ENTPD1: variants seen among roughly 807,000 people sequenced by gnomAD.
The protein encoded by ENTPD1 is ectonucleoside triphosphate diphosphohydrolase 1.
Under a neutral mutation model 57.0 loss-of-function variants are expected in ENTPD1, and 33 were observed. That is an observed-to-expected ratio of 0.58 (90% CI 0.44 to 0.77). The LOEUF (loss-of-function observed/expected upper bound fraction) is 0.77, where lower values mean the gene tolerates loss of function less well. Ranked by LOEUF, ENTPD1 falls within the 30% of genes least tolerant of loss-of-function variation. The pLI, the probability that ENTPD1 is intolerant of heterozygous loss-of-function variation, is 0.00. For synonymous variants in ENTPD1, 202 were observed against 218.8 expected, an observed-to-expected ratio of 0.92 and a Z score of 0.68; for missense variants, 501 against 603.4, an observed-to-expected ratio of 0.83 and a Z score of 1.78.
At chr10:95,705,794 C>T in the ENTPD1 span, among the ~76,000 whole-genome samples, 6 of 152,158 alleles carry the variant, frequency 3.9e-5, no homozygotes, top group African/African-American at 1.4e-4. Flanking sequence ...GCCAGGCCAA[C>T]TTAGACAATC....
chr10:95,756,914 A>T (rs1367559697), intron 1 of ENTPD1, among the ~76,000 whole-genome samples: 1 of 152,196 alleles, frequency 6.6e-6, no homozygotes, highest in Non-Finnish European at 1.5e-5. Flanking sequence ...ATCTGACTAC[A>T]TTTAGATTTT....
In ENTPD1 at chr10:95,873,402, T is replaced by G; in HGVS notation, c.*7019T>G. 1.0e-6 allele frequency: 1 copy of G among 985,650 alleles called. No homozygotes were observed. The highest frequency in any genetic ancestry group is 5.2e-4 in the Middle Eastern group (1 of 1,916). The allele number at this position is 985,650 out of a possible 1,614,324, so 61.1% of individuals were successfully genotyped here. On this transcript the variant is annotated 3_prime_UTR_variant, in exon 10 of 10. Coordinates refer to ENST00000371205, the MANE Select transcript of ENTPD1 (RefSeq NM_001776.6). Reference sequence around the variant, plus strand: ...CTCTGCCTTGCCTTGCCCTCTGCCTTTGGAGACCAGCACCTCATACTCAGT... The same window carrying G: ...CTCTGCCTTGCCTTGCCCTCTGCCTGTGGAGACCAGCACCTCATACTCAGT...
rs2098477632 is a variant in ENTPD1, at chr10:95,869,221, A to AAGATCAGC, written c.*2842_*2849dup. On this transcript the variant is annotated 3_prime_UTR_variant, in exon 10 of 10. Transcript: ENST00000371205. ...TTCTATGAACCTATAGGGGAGAAAA[A>AAGATCAGC]AGATCAGCAGAAGTCATTACTTTTT... is the stretch of plus-strand genomic sequence containing the variant. 1.0e-6 allele frequency: 1 copy of AAGATCAGC among 978,956 alleles called. No homozygotes were observed. The highest frequency in any genetic ancestry group is 4.7e-5 in the South Asian group (1 of 21,138). The allele number at this position is 978,956 out of a possible 1,614,324, so 60.6% of individuals were successfully genotyped here.
intron 1 of ENTPD1, among the ~76,000 whole-genome samples, chr10:95,819,582 T>G (rs189476004): frequency 1.7e-3 from 260 of 152,338 alleles, no homozygotes; most frequent in Admixed American, 3.5e-3. Context: ...GTCTTGAAGG[T>G]ATTTTTCCTC....
At chr10:95,839,668 T>A in intron 2 of ENTPD1, 23 bp from the exon 3 acceptor site, 1 of 1,611,588 alleles carries the variant, frequency 6.2e-7, no homozygotes, top group Non-Finnish European at 8.5e-7. Context: ...TACTGATAAG[T>A]TTTTGGTCTG....
In ENTPD1 at chr10:95,871,040, G is replaced by C. The variant is rs2098479866; in HGVS notation, c.*4657G>C. On this transcript the variant is annotated 3_prime_UTR_variant, in exon 10 of 10. Coordinates refer to ENST00000371205, the MANE Select transcript of ENTPD1 (RefSeq NM_001776.6). ...GCTCGTGAAAGTGAGAGGAAACTAG[G>C]ATGCCTCTTAAGGTCTTGGTCAGGA... 4.1e-6 allele frequency: 4 copies of C among 985,272 alleles called. No individual in the cohort carries two copies. The highest frequency in any genetic ancestry group is 4.8e-6 in the Non-Finnish European group (4 of 829,920). The allele number at this position is 985,272 out of a possible 1,614,324, so 61.0% of individuals were successfully genotyped here.
intron 1 of ENTPD1, among the ~76,000 whole-genome samples, chr10:95,735,009 C>G (rs1034625412): frequency 1.3e-5 from 2 of 150,936 alleles, no homozygotes; most frequent in Non-Finnish European, 2.9e-5. Flanking sequence ...GATTCCAAAG[C>G]ACTTGATGAA....
At chr10:95,733,188 C>G (rs565806080) in intron 1 of ENTPD1, among the ~76,000 whole-genome samples, 15 of 152,272 alleles carry the variant, frequency 9.9e-5, no homozygotes, top group Non-Finnish European at 2.1e-4. Flanking sequence ...CAGGGCTGTT[C>G]CTTGCTGAGA....
At chr10:95,860,690 G>C in intron 8 of ENTPD1, 108 bp downstream of exon 8, 1 of 921,104 alleles carries the variant, frequency 1.1e-6, no homozygotes, top group South Asian at 1.4e-5. Flanking sequence ...CCAAGATCCA[G>C]CAAATGTGTT....
At chr10:95,758,002 CAA>C (rs57407553) in intron 1 of ENTPD1, among the ~76,000 whole-genome samples, 69 of 26,400 alleles carry the variant, frequency 2.6e-3, no homozygotes, top group Middle Eastern at 0.021. Flanking sequence ...GACACTGTCT[CAA>C]AAAAAAAAAA....
intron 1 of ENTPD1, among the ~76,000 whole-genome samples, chr10:95,769,770 G>C (rs2098107565): frequency 1.3e-5 from 2 of 152,184 alleles, no homozygotes; most frequent in African/African-American, 4.8e-5. Context: ...GGTGAAAAGT[G>C]ATTGGATTTG....
At chr10:95,732,875 G>A (rs1254943673) in intron 1 of ENTPD1, among the ~76,000 whole-genome samples, 3 of 152,142 alleles carry the variant, frequency 2.0e-5, no homozygotes, top group Admixed American at 1.3e-4. Flanking sequence ...GCTTCACAAG[G>A]TAATAAAATA....
In ENTPD1 at chr10:95,770,723, AG is replaced by A. The variant is rs372429507; in HGVS notation, c.16+14469del. Among the ~76,000 whole-genome samples, 502 of 152,328 alleles carry A rather than the reference AG, an allele frequency of 3.3e-3. 2 individuals carry two copies. Among genetic ancestry groups the A allele is most frequent in the African/African-American group, 0.011 (475 of 41,564 alleles). ...GAACTGCCTTATGGCTTCAGAGAGC[AG>A]ATCTGTTTGCAAAACTAATGGAGGA... On this transcript the variant is annotated intron_variant, in intron 1 of 9. Transcript: ENST00000371205.
intron 1 of ENTPD1, among the ~76,000 whole-genome samples, chr10:95,820,719 C>T (rs963511530): frequency 6.6e-6 from 1 of 152,218 alleles, no homozygotes; most frequent in Non-Finnish European, 1.5e-5. Context: ...TACCGCAAGT[C>T]ACTCTATCAA....
intron 5 of ENTPD1, 157 bp downstream of exon 5, chr10:95,844,792 A>G: frequency 1.1e-6 from 1 of 935,888 alleles, no homozygotes; most frequent in Non-Finnish European, 1.7e-6. Flanking sequence ...CACATTTGTA[A>G]GGGTCACCAG....
At chr10:95,758,002 CAAAAAA>C (rs57407553) in intron 1 of ENTPD1, among the ~76,000 whole-genome samples, 27 of 26,414 alleles carry the variant, frequency 1.0e-3, no homozygotes, top group South Asian at 2.6e-3. Context: ...GACACTGTCT[CAAAAAA>C]AAAAAAAAAA....
At chr10:95,713,871 CCATT>C (rs1349308991) in intron 1 of ENTPD1, among the ~76,000 whole-genome samples, 1 of 152,322 alleles carries the variant, frequency 6.6e-6, no homozygotes, top group African/African-American at 2.4e-5. Flanking sequence ...AGCCATCCAT[CCATT>C]CATCAATTTA....
chr10:95,697,400 A>C, the ENTPD1 span, among the ~76,000 whole-genome samples: 1 of 152,176 alleles, frequency 6.6e-6, no homozygotes, highest in African/African-American at 2.4e-5. Flanking sequence ...GAGGCCCCAC[A>C]CGTTGAGACT....
At chr10:95,704,193 CT>C in the ENTPD1 span, among the ~76,000 whole-genome samples, 1 of 152,076 alleles carries the variant, frequency 6.6e-6, no homozygotes. Context: ...GCTAGAAAGA[CT>C]TATTAATGAA....
Sources: allele counts gnomAD v4.1 joint callset (sites outside exome capture counted in the v4.1 genomes callset), GRCh38; gene constraint gnomAD v4.1.1; transcripts MANE v1.5; gene names NCBI Gene and HGNC (gene_info 2026-07-23, HGNC 2026-07-21).